CLCN4: variants seen among roughly 807,000 people sequenced by gnomAD.
CLCN4 encodes H(+)/Cl(-) exchange transporter 4.
A neutral mutation model predicts 41.7 loss-of-function variants in CLCN4; 1 was observed. The observed-to-expected ratio is 0.02, with a 90% CI of 0.01 to 0.11. The LOEUF (loss-of-function observed/expected upper bound fraction) is 0.11. Among genes scored for constraint, CLCN4 ranks in the 10% least tolerant of loss-of-function variants. The pLI, the probability that CLCN4 is intolerant of heterozygous loss-of-function variation, is 1.00. For missense variants in CLCN4, 287 were observed against 661.0 expected, an observed-to-expected ratio of 0.43 and a Z score of 6.20; for synonymous variants, 277 against 285.8, an observed-to-expected ratio of 0.97 and a Z score of 0.31.
chrX:10,184,904 C>A, intron 2 of CLCN4, 118 bp from the exon 3 acceptor site: 1 of 526,332 alleles, frequency 1.9e-6, no homozygotes, highest in South Asian at 3.6e-5. Flanking sequence ...CATTACAGCA[C>A]AGATGCCTAT....
At chrX:10,217,606 G>C (rs1343844181) in intron 11 of CLCN4, among the ~76,000 whole-genome samples, 1 of 111,748 alleles carries the variant, frequency 8.9e-6, no homozygotes, top group Non-Finnish European at 1.9e-5. Context: ...AAAATTTCTT[G>C]GCCTATCACA....
intron 9 of CLCN4, among the ~76,000 whole-genome samples, chrX:10,209,031 G>T (rs1474385890): frequency 8.9e-6 from 1 of 111,742 alleles, no homozygotes; most frequent in Non-Finnish European, 1.9e-5. Context: ...TAGGCATCGT[G>T]CTAAGTCTGA....
At chrX:10,209,219 C>A (rs1185158333) in intron 9 of CLCN4, among the ~76,000 whole-genome samples, 1 of 109,325 alleles carries the variant, frequency 9.1e-6, no homozygotes, top group Non-Finnish European at 1.9e-5. Flanking sequence ...TTGCACACAT[C>A]CTCTTTGAAG....
intron 6 of CLCN4, among the ~76,000 whole-genome samples, chrX:10,200,003 G>A (rs1482966717): frequency 9.0e-6 from 1 of 111,414 alleles, no homozygotes; most frequent in Non-Finnish European, 1.9e-5. Context: ...CATCCGCCTC[G>A]GCCTCCTAAA....
chrX:10,180,689 C>A (rs1258152667), intron 2 of CLCN4, among the ~76,000 whole-genome samples: 1 of 102,214 alleles, frequency 9.8e-6, no homozygotes, highest in African/African-American at 3.6e-5. Flanking sequence ...ATAGCTTGAA[C>A]CCAGGAGGCG....
chrX:10,165,387 G>T (rs1431395212), intron 2 of CLCN4, among the ~76,000 whole-genome samples: 1 of 112,768 alleles, frequency 8.9e-6, no homozygotes, highest in African/African-American at 3.2e-5. Context: ...CGACACATGG[G>T]AACAGCAGGG....
At chrX:10,191,352 A>C (rs1207987608) in intron 4 of CLCN4, among the ~76,000 whole-genome samples, 1 of 112,214 alleles carries the variant, frequency 8.9e-6, no homozygotes, top group Non-Finnish European at 1.9e-5. Flanking sequence ...TCCATGTTGT[A>C]GCACGTGTCA....
intron 2 of CLCN4, among the ~76,000 whole-genome samples, chrX:10,169,685 TGTGACATGGCAGTG>T (rs1923335715): frequency 3.6e-5 from 4 of 111,464 alleles, no homozygotes; most frequent in Non-Finnish European, 5.7e-5. Context: ...ACCACTCACG[TGTGACATGGCAGTG>T]ACTTCAGGCT....
Position 10,191,142 on chromosome X carries a change from C to T in CLCN4, c.244+3528C>T, listed in dbSNP as rs777811559. ...GTGGTCGATTTTAGAATAATTTTAT[C>T]ATGCCCAAAAGAATCATTATACCCT... On this transcript the variant is annotated intron_variant, in intron 4 of 12. Coordinates refer to ENST00000380833, the MANE Select transcript of CLCN4 (RefSeq NM_001830.4). Among the ~76,000 whole-genome samples the T allele has an allele frequency of 8.1e-5, 9 of 111,574 alleles. No individual in the cohort carries two copies. In the South Asian group the frequency reaches 3.0e-3, roughly 37 times the overall value.
intron 12 of CLCN4, among the ~76,000 whole-genome samples, chrX:10,231,298 G>A (rs1925120719): frequency 8.9e-6 from 1 of 111,798 alleles, no homozygotes. Context: ...TGGCAATTAT[G>A]AATGAAGCAG....
chrX:10,191,947 G>A (rs1569227343), intron 4 of CLCN4, among the ~76,000 whole-genome samples: 1 of 110,817 alleles, frequency 9.0e-6, no homozygotes, highest in Non-Finnish European at 1.9e-5. Flanking sequence ...GTATTCCCAA[G>A]ACATGGATGA....
At chrX:10,204,272 G>A in intron 6 of CLCN4, among the ~76,000 whole-genome samples, 1 of 111,942 alleles carries the variant, frequency 8.9e-6, no homozygotes, top group Middle Eastern at 4.6e-3. Context: ...AGCAGGTCTG[G>A]AAATGGAGCA....
chrX:10,224,038 T>C (rs1924922870), intron 12 of CLCN4, among the ~76,000 whole-genome samples: 1 of 111,957 alleles, frequency 8.9e-6, no homozygotes, highest in Admixed American at 9.5e-5. Context: ...TGTTACCTCC[T>C]TCTGGGTTGA....
rs140446297 is a variant in CLCN4, at chrX:10,164,141, C to T, written c.-12+5590C>T. Among the ~76,000 whole-genome samples the T allele has an allele frequency of 6.7e-3, 751 of 111,947 alleles. 3 individuals are homozygous for T. The highest frequency in any genetic ancestry group is 0.032 in the Middle Eastern group (7 of 217). On this transcript the variant is annotated intron_variant, in intron 2 of 12. Coordinates refer to ENST00000380833, the MANE Select transcript of CLCN4 (RefSeq NM_001830.4). Reference sequence around the variant, plus strand: ...ACAGCACTGGACTCCAAACGCTGGTCAGGGAGGGCAAGAAGGCCTCTCTGA... The same window carrying T: ...ACAGCACTGGACTCCAAACGCTGGTTAGGGAGGGCAAGAAGGCCTCTCTGA...
At position 10,187,872 on chromosome X, in the gene CLCN4, C is replaced by G. The variant is rs757789433; in HGVS notation, c.244+258C>G. Among the ~76,000 whole-genome samples, 3 of 112,510 alleles carry G rather than the reference C, an allele frequency of 2.7e-5. No homozygotes were observed. In the South Asian group the frequency reaches 1.1e-3, roughly 41 times the overall value. ...AGAGCTGTGACGATAGAGCTGGTAG[C>G]CTTTCCACACAGAGCAGAGTTTTCT... On this transcript the variant is annotated intron_variant, in intron 4 of 12. Coordinates refer to ENST00000380833, the MANE Select transcript of CLCN4 (RefSeq NM_001830.4).
chrX:10,195,793 A>T (rs1392216845), intron 5 of CLCN4, among the ~76,000 whole-genome samples: 2 of 112,331 alleles, frequency 1.8e-5, no homozygotes, highest in Non-Finnish European at 3.8e-5. Context: ...ATGTTTCCAG[A>T]CTTCTTCCTA....
At chrX:10,215,910 A>G (rs974515379) in intron 11 of CLCN4, among the ~76,000 whole-genome samples, 1 of 112,197 alleles carries the variant, frequency 8.9e-6, no homozygotes, top group Non-Finnish European at 1.9e-5. Context: ...AATAATATAG[A>G]AGGTGCTATT....
rs1484914962 is a variant in CLCN4, at chrX:10,157,736, G to A, written c.-274-553G>A. 1.4e-4 allele frequency among the ~76,000 whole-genome samples: 16 copies of A among 112,807 alleles called. No homozygotes were observed. The Admixed American group carries it at 1.5e-3, about 11-fold the overall frequency. The stretch of plus-strand genomic sequence containing the variant: ...CAGAATGTGATAAAGATTAGAAAAT[G>A]TGAAATAATGAGTTATTGTGAATTA... On this transcript the variant is annotated intron_variant, in intron 1 of 12. Coordinates refer to ENST00000380833, the MANE Select transcript of CLCN4 (RefSeq NM_001830.4).
rs1923009031 is a variant in CLCN4 at position 10,158,432 on chromosome X, C to T, written c.-131C>T. On this transcript the variant is annotated 5_prime_UTR_variant, in exon 2 of 13. The change creates a new upstream start codon in the 5' untranslated region. Coordinates refer to ENST00000380833, the MANE Select transcript of CLCN4 (RefSeq NM_001830.4). ...TCCCTGCCTCGCCCCGAGGGCGTCA[C>T]GTGGCAGCGTGGGGCCCGCCTCCTG... 6 of 296,769 alleles carry T rather than the reference C, an allele frequency of 2.0e-5. No individual in the cohort carries two copies. Among genetic ancestry groups the T allele is most frequent in the Non-Finnish European group, 3.5e-5 (6 of 169,899 alleles). The allele number at this position is 296,769 out of a possible 1,213,427, so 24.5% of individuals were successfully genotyped here.
Sources: allele counts gnomAD v4.1 joint callset (sites outside exome capture counted in the v4.1 genomes callset), GRCh38; gene constraint gnomAD v4.1.1; transcripts MANE v1.5; gene names NCBI Gene and HGNC (gene_info 2026-07-23, HGNC 2026-07-21).